The following GABRA3 variants were observed in gnomAD, a reference collection of about 807,000 sequenced individuals.
The protein encoded by GABRA3 is gamma-aminobutyric acid receptor subunit alpha-3.
A neutral mutation model predicts 30.1 loss-of-function variants in GABRA3; 10 were observed. The observed-to-expected ratio is 0.33, with a 90% CI of 0.20 to 0.56. The LOEUF (loss-of-function observed/expected upper bound fraction) is 0.56, where lower values mean the gene tolerates loss of function less well. Ranked by LOEUF, GABRA3 falls within the 20% of genes least tolerant of loss-of-function variation. GABRA3 has a pLI of 0.89. For missense variants in GABRA3, 233 were observed against 392.0 expected, an observed-to-expected ratio of 0.59 and a Z score of 3.42; for synonymous variants, 151 against 146.8, an observed-to-expected ratio of 1.03 and a Z score of -0.21.
intron 1 of GABRA3, among the ~76,000 whole-genome samples, chrX:152,386,551 C>A (rs1319311046): frequency 9.1e-6 from 1 of 109,588 alleles, no homozygotes; most frequent in Non-Finnish European, 1.9e-5. Context: ...AAAAAATGCT[C>A]ACCATCACTG....
In GABRA3 at chrX:152,183,984, C is replaced by T. The variant is rs188320387; in HGVS notation, c.1143+5746G>A. On this transcript the variant is annotated intron_variant, in intron 9 of 9. Coordinates refer to ENST00000370314, the MANE Select transcript of GABRA3 (RefSeq NM_000808.4). Reference sequence around the variant, plus strand: ...TTTATCCCTAGATCTCTTACCTTTCCTTTCACATTCTTTTTTTTCTGCTCT... The same window carrying T: ...TTTATCCCTAGATCTCTTACCTTTCTTTTCACATTCTTTTTTTTCTGCTCT... Among the ~76,000 whole-genome samples, 465 of 110,294 alleles carry T rather than the reference C, an allele frequency of 4.2e-3. 5 individuals carry two copies. In the Middle Eastern group the frequency reaches 0.084, roughly 20 times the overall value.
chrX:152,287,548 C>T (rs1441699492), intron 3 of GABRA3, among the ~76,000 whole-genome samples: 2 of 111,074 alleles, frequency 1.8e-5, no homozygotes, highest in Admixed American at 9.7e-5. Context: ...TGAGGTATCC[C>T]GAGCCATGCA....
At chrX:152,338,469 C>A (rs1940267055) in intron 3 of GABRA3, among the ~76,000 whole-genome samples, 1 of 111,326 alleles carries the variant, frequency 9.0e-6, no homozygotes, top group South Asian at 3.8e-4. Context: ...ATATTTTCTC[C>A]CATTTTGTGG....
intron 1 of GABRA3, among the ~76,000 whole-genome samples, chrX:152,409,009 T>C (rs1253359929): frequency 1.8e-5 from 2 of 111,511 alleles, no homozygotes; most frequent in Non-Finnish European, 3.8e-5. Flanking sequence ...GAAAACTGGA[T>C]ATCCAATATG....
intron 9 of GABRA3, among the ~76,000 whole-genome samples, chrX:152,177,566 G>GAA (rs72056570): frequency 1.0e-4 from 10 of 95,616 alleles, no homozygotes; most frequent in Non-Finnish European, 1.3e-4. Context: ...CTGTTTTTCT[G>GAA]AAAAAAAAAA....
intron 2 of GABRA3, among the ~76,000 whole-genome samples, chrX:152,347,680 C>T (rs1191969496): frequency 8.9e-6 from 1 of 111,816 alleles, no homozygotes; most frequent in Non-Finnish European, 1.9e-5. Flanking sequence ...ACTGTGCTTG[C>T]TTTCTTACTG....
intron 7 of GABRA3, among the ~76,000 whole-genome samples, chrX:152,200,834 C>T (rs988767271): frequency 5.3e-5 from 6 of 112,533 alleles, no homozygotes; most frequent in African/African-American, 1.9e-4. Flanking sequence ...TTTTGAATAA[C>T]TGACTCAAAA....
chrX:152,317,996 G>A (rs1424059187), intron 3 of GABRA3, among the ~76,000 whole-genome samples: 1 of 110,521 alleles, frequency 9.0e-6, no homozygotes, highest in Non-Finnish European at 1.9e-5. Context: ...AAACAAAAAA[G>A]AAACAATAAA....
intron 1 of GABRA3, among the ~76,000 whole-genome samples, chrX:152,413,669 C>G (rs968566943): frequency 7.2e-5 from 8 of 110,789 alleles, no homozygotes; most frequent in African/African-American, 2.6e-4. Context: ...TTATAAAGAA[C>G]GCCTGAAAAA....
intron 5 of GABRA3, among the ~76,000 whole-genome samples, chrX:152,236,679 T>C (rs1255413822): frequency 2.8e-5 from 3 of 107,223 alleles, no homozygotes; most frequent in Non-Finnish European, 5.8e-5. Context: ...TTTTTAATGA[T>C]TGCCATTCTA....
At chrX:152,300,865 T>C (rs747183046) in intron 3 of GABRA3, among the ~76,000 whole-genome samples, 1 of 111,502 alleles carries the variant, frequency 9.0e-6, no homozygotes. Flanking sequence ...CTGGAACAAA[T>C]AGCCTTATTG....
At chrX:152,352,512 C>T (rs58670441) in intron 2 of GABRA3, among the ~76,000 whole-genome samples, 3 of 110,541 alleles carry the variant, frequency 2.7e-5, no homozygotes, top group Non-Finnish European at 5.7e-5. Flanking sequence ...GCTGTCACTG[C>T]CAGCATCCTT....
At chrX:152,351,057 A>G (rs1940472004) in intron 2 of GABRA3, among the ~76,000 whole-genome samples, 1 of 111,958 alleles carries the variant, frequency 8.9e-6, no homozygotes, top group African/African-American at 3.2e-5. Flanking sequence ...CTGTCATTCA[A>G]GCTTTGTTAT....
At chrX:152,378,548 T>A (rs1929058076) in intron 1 of GABRA3, among the ~76,000 whole-genome samples, 1 of 110,578 alleles carries the variant, frequency 9.0e-6, no homozygotes, top group African/African-American at 3.3e-5. Flanking sequence ...TTTAAAGCTA[T>A]CGATCCAAAT....
intron 4 of GABRA3, among the ~76,000 whole-genome samples, chrX:152,272,180 G>A (rs776405129): frequency 5.4e-5 from 6 of 111,809 alleles, no homozygotes; most frequent in African/African-American, 1.3e-4. Context: ...CATCATGCAC[G>A]TGGAAAAGCT....
At chrX:152,298,052 T>G (rs775220833) in intron 3 of GABRA3, among the ~76,000 whole-genome samples, 21 of 112,282 alleles carry the variant, frequency 1.9e-4, no homozygotes, top group Admixed American at 8.5e-4. Context: ...TAATAAAATC[T>G]TCAAAACAGC....
intron 3 of GABRA3, among the ~76,000 whole-genome samples, chrX:152,325,844 A>T (rs770517319): frequency 6.3e-5 from 7 of 111,972 alleles, no homozygotes; most frequent in African/African-American, 2.3e-4. Context: ...AGCTGGACAG[A>T]GAATGACTTT....
chrX:152,419,156 G>A (rs893647581), intron 1 of GABRA3, among the ~76,000 whole-genome samples: 14 of 110,421 alleles, frequency 1.3e-4, no homozygotes, highest in Admixed American at 2.9e-4. Context: ...TGGGGGGTGC[G>A]GGGAGGGATA....
intron 7 of GABRA3, among the ~76,000 whole-genome samples, 190 bp from the exon 8 acceptor site, chrX:152,197,975 C>T (rs1937410356): frequency 9.0e-6 from 1 of 111,552 alleles, no homozygotes; most frequent in Non-Finnish European, 1.9e-5. Flanking sequence ...AAAAACAATG[C>T]TATCAGTGTA....
Sources: allele counts gnomAD v4.1 joint callset (sites outside exome capture counted in the v4.1 genomes callset), GRCh38; gene constraint gnomAD v4.1.1; transcripts MANE v1.5; gene names NCBI Gene and HGNC (gene_info 2026-07-23, HGNC 2026-07-21).